THRB: variants seen among roughly 807,000 people sequenced by gnomAD.
THRB encodes the protein thyroid hormone receptor beta.
In THRB, 12 loss-of-function variants were observed where a neutral mutation model predicts 47.8. That is an observed-to-expected ratio of 0.25 (90% CI 0.16 to 0.41). The LOEUF (loss-of-function observed/expected upper bound fraction) is 0.41, where lower values mean the gene tolerates loss of function less well. THRB is among the 10% of genes least tolerant of loss of function. The probability of loss-of-function intolerance (pLI) is 1.00; values close to 1 mark genes in which losing one functional copy is unlikely to be tolerated. For synonymous variants in THRB, 218 were observed against 212.2 expected (o/e 1.03, Z -0.24); for missense variants, 348 against 589.2 (o/e 0.59, Z 4.24).
chr3:24,426,251 T>G (rs2069748670), intron 1 of THRB, among the ~76,000 whole-genome samples: 2 of 151,932 alleles, frequency 1.3e-5, no homozygotes, highest in African/African-American at 4.8e-5. Flanking sequence ...AACTTTATGT[T>G]ATGTCCTTTC....
intron 3 of THRB, among the ~76,000 whole-genome samples, chr3:24,280,951 C>G (rs2054520974): frequency 6.6e-6 from 1 of 152,162 alleles, no homozygotes; most frequent in African/African-American, 2.4e-5. Context: ...AAGACCAAAT[C>G]TACGTCTGAT....
intron 1 of THRB, among the ~76,000 whole-genome samples, chr3:24,391,515 T>C (rs914662839): frequency 6.6e-6 from 1 of 152,220 alleles, no homozygotes; most frequent in Non-Finnish European, 1.5e-5. Flanking sequence ...ATATGTGTAA[T>C]GATTGTTCAA....
rs1478329371 is a variant in THRB at position 24,233,511 on chromosome 3, AAGG to A, written c.-42-4513_-42-4511del. Among the ~76,000 whole-genome samples, 21 of 135,592 alleles carry A rather than the reference AAGG, an allele frequency of 1.5e-4. 1 individual carries two copies. In the East Asian group the frequency reaches 4.5e-3, roughly 29 times the overall value. The allele number at this position is 135,592 out of a possible 152,430, so 89.0% of individuals were successfully genotyped here. ...GAAAAAAAGAAAGGAAGAAAGAAAG[AAGG>A]AGGGAAGGAAGGAAGGAAAAGAAAG... On this transcript the variant is annotated intron_variant, in intron 3 of 10. Coordinates refer to ENST00000646209, the MANE Select transcript of THRB (RefSeq NM_001354712.2).
rs1183331552 is a variant in THRB at position 24,368,961 on chromosome 3, T to C, written c.-260-31590A>G. 2.0e-5 allele frequency among the ~76,000 whole-genome samples: 3 copies of C among 152,182 alleles called. No homozygotes were observed. The East Asian group carries it at 5.8e-4, about 29-fold the overall frequency. Reference sequence around the variant, plus strand: ...TCAGGTTATAAACAGTGATCATATATTACTTGTTGCACAGATGAGTTGTAA... The same window carrying C: ...TCAGGTTATAAACAGTGATCATATACTACTTGTTGCACAGATGAGTTGTAA... On this transcript the variant is annotated intron_variant, in intron 1 of 10. Coordinates refer to ENST00000646209, the MANE Select transcript of THRB (RefSeq NM_001354712.2).
chr3:24,218,715 AC>A (rs973564361), intron 4 of THRB, among the ~76,000 whole-genome samples: 1 of 152,020 alleles, frequency 6.6e-6, no homozygotes, highest in Non-Finnish European at 1.5e-5. Context: ...TTACATCCTC[AC>A]CACAATCCTT....
chr3:24,263,155 T>G (rs553990279), intron 3 of THRB, among the ~76,000 whole-genome samples: 8 of 152,348 alleles, frequency 5.3e-5, no homozygotes, highest in African/African-American at 1.9e-4. Context: ...CATTAAAATA[T>G]TTTGCTACTT....
chr3:24,190,136 TCATCATGGTC>T lies in THRB; in HGVS notation c.211_220del (p.Asp71MetfsTer2). 6.2e-7 allele frequency: 1 copy of T among 1,614,088 alleles called. No homozygotes were observed. Among genetic ancestry groups the T allele is most frequent in the Non-Finnish European group, 8.5e-7 (1 of 1,179,938 alleles). On this transcript the variant is annotated frameshift_variant, in exon 5 of 11. Transcript: ENST00000646209. LOFTEE classifies it high-confidence loss of function. The stretch of plus-strand genomic sequence containing the variant: ...ACTTGAGACACTCTGGTCGTTCACA[TCATCATGGTC>T]CAGATGGAATATTGAGCTAGTCCAA...
chr3:24,405,596 G>GT (rs920148022), intron 1 of THRB, among the ~76,000 whole-genome samples: 1 of 151,612 alleles, frequency 6.6e-6, no homozygotes, highest in African/African-American at 2.4e-5. Flanking sequence ...TTTGTTTACA[G>GT]TTTTTTTCAT....
chr3:24,150,724 G>A (rs910206991), intron 6 of THRB, among the ~76,000 whole-genome samples: 2 of 152,122 alleles, frequency 1.3e-5, no homozygotes, highest in Admixed American at 6.5e-5. Flanking sequence ...GGGGAATTAA[G>A]TATTAAATTG....
At chr3:24,141,865 T>G (rs747982709) in intron 8 of THRB, among the ~76,000 whole-genome samples, 2 of 152,168 alleles carry the variant, frequency 1.3e-5, no homozygotes, top group African/African-American at 2.4e-5. Context: ...GGTGACACAT[T>G]TGGGGAAAGG....
chr3:24,376,365 G>A (rs973693505), intron 1 of THRB, among the ~76,000 whole-genome samples: 1 of 152,174 alleles, frequency 6.6e-6, no homozygotes, highest in Non-Finnish European at 1.5e-5. Flanking sequence ...GCTGGGTGAA[G>A]AAAACTGAGA....
intron 1 of THRB, among the ~76,000 whole-genome samples, chr3:24,464,011 C>T (rs533179334): frequency 1.8e-4 from 28 of 152,146 alleles, no homozygotes; most frequent in Non-Finnish European, 3.5e-4. Context: ...CTTTGGGAGG[C>T]CGAGGTGGGC....
chr3:24,494,958 T>TGTCA (rs1269176781), upstream of THRB: 2 of 152,122 alleles, frequency 1.3e-5, no homozygotes, highest in Non-Finnish European at 2.9e-5. Context: ...TCCTGCAAAA[T>TGTCA]GTCAACTCCT....
At chr3:24,263,103 T>C (rs921094304) in intron 3 of THRB, among the ~76,000 whole-genome samples, 1 of 152,120 alleles carries the variant, frequency 6.6e-6, no homozygotes, top group Non-Finnish European at 1.5e-5. Context: ...AAGGGGACAT[T>C]ATTCTTGAGC....
intron 3 of THRB, among the ~76,000 whole-genome samples, chr3:24,296,080 T>C (rs1337664323): frequency 3.3e-5 from 5 of 152,168 alleles, no homozygotes; most frequent in African/African-American, 9.7e-5. Flanking sequence ...TTCTCTTTCC[T>C]ACATTTGCCT....
intron 1 of THRB, among the ~76,000 whole-genome samples, chr3:24,423,204 A>C (rs1039672355): frequency 6.6e-6 from 1 of 151,928 alleles, no homozygotes; most frequent in African/African-American, 2.4e-5. Context: ...TGCCTGGCCA[A>C]TCCTACCTGA....
At chr3:24,334,020 A>G (rs886947317) in intron 2 of THRB, among the ~76,000 whole-genome samples, 1 of 152,122 alleles carries the variant, frequency 6.6e-6, no homozygotes, top group African/African-American at 2.4e-5. Flanking sequence ...CCTGGGTCCC[A>G]TCTGTCCTGG....
chr3:24,280,999 T>C (rs1221300482), intron 3 of THRB, among the ~76,000 whole-genome samples: 1 of 152,146 alleles, frequency 6.6e-6, no homozygotes, highest in Non-Finnish European at 1.5e-5. Flanking sequence ...TGGAACCAAG[T>C]TGGAAAACAC....
intron 1 of THRB, among the ~76,000 whole-genome samples, chr3:24,439,931 C>G (rs1206502991): frequency 6.6e-6 from 1 of 152,130 alleles, no homozygotes; most frequent in Non-Finnish European, 1.5e-5. Context: ...CAGAACTACC[C>G]AGGAGTCATG....
Sources: allele counts gnomAD v4.1 joint callset (sites outside exome capture counted in the v4.1 genomes callset), GRCh38; gene constraint gnomAD v4.1.1; transcripts MANE v1.5; gene names NCBI Gene and HGNC (gene_info 2026-07-23, HGNC 2026-07-21).